The following SYT14 variants were observed in gnomAD, a reference collection of about 807,000 sequenced individuals.
SYT14 encodes synaptotagmin 14, also known as synaptotagmin-14.
Under a neutral mutation model 74.2 loss-of-function variants are expected in SYT14, and 32 were observed. The observed-to-expected ratio is 0.43, with a 90% CI of 0.33 to 0.58. The LOEUF (loss-of-function observed/expected upper bound fraction) is 0.58, where lower values mean the gene tolerates loss of function less well. SYT14 is among the 20% of genes least tolerant of loss of function. The probability of loss-of-function intolerance (pLI) is 0.05; values close to 1 mark genes in which losing one functional copy is unlikely to be tolerated. For synonymous variants in SYT14, 298 were observed against 337.7 expected (o/e 0.88, Z 1.29); for missense variants, 791 against 981.8 (o/e 0.81, Z 2.60).
chr1:209,973,526 A>G (rs2079297136), intron 2 of SYT14, among the ~76,000 whole-genome samples: 1 of 152,128 alleles, frequency 6.6e-6, no homozygotes, highest in South Asian at 2.1e-4. Context: ...CCATGTCCCT[A>G]CAAAGGACAT....
At chr1:210,066,175 C>T (rs4356052) in intron 5 of SYT14, among the ~76,000 whole-genome samples, 7,529 of 151,888 alleles carry the variant, frequency 0.05, 1,033 homozygotes, top group East Asian at 0.42. Context: ...TGAATAGTGC[C>T]GCAATAAATA....
chr1:210,100,454 A>G (rs758342742), exon 7 of SYT14: 19 of 1,612,916 alleles, frequency 1.2e-5, no homozygotes, highest in East Asian at 2.2e-5. Flanking sequence ...CCTTCTTACA[A>G]TCATTCTGTG....
intron 5 of SYT14, among the ~76,000 whole-genome samples, chr1:210,085,034 CCAAAGT>C (rs2102492930): frequency 1.3e-5 from 2 of 152,276 alleles, no homozygotes; most frequent in African/African-American, 4.8e-5. Context: ...GCCTAGAATG[CCAAAGT>C]TTGGATTCCA....
At chr1:209,975,112 G>A (rs2079334808) in intron 2 of SYT14, among the ~76,000 whole-genome samples, 1 of 152,284 alleles carries the variant, frequency 6.6e-6, no homozygotes, top group Non-Finnish European at 1.5e-5. Flanking sequence ...GAGATTTTGG[G>A]CTGAGACAGT....
intron 2 of SYT14, among the ~76,000 whole-genome samples, chr1:209,998,515 A>G (rs977782886): frequency 2.6e-5 from 4 of 152,144 alleles, no homozygotes; most frequent in African/African-American, 9.6e-5. Flanking sequence ...AGCAAAAAGA[A>G]TAAAGCTGGA....
At chr1:209,964,142 C>G (rs1406001138) in intron 2 of SYT14, among the ~76,000 whole-genome samples, 1 of 152,100 alleles carries the variant, frequency 6.6e-6, no homozygotes, top group Admixed American at 6.5e-5. Flanking sequence ...GGGCAGGTTC[C>G]CCCATGCTGT....
At chr1:209,963,093 C>G (rs1238562526) in intron 2 of SYT14, among the ~76,000 whole-genome samples, 2 of 152,148 alleles carry the variant, frequency 1.3e-5, no homozygotes, top group East Asian at 3.8e-4. Context: ...TTATTGCTAC[C>G]GGAACAGAAA....
chr1:210,024,896 T>A (rs1292420983), intron 5 of SYT14, among the ~76,000 whole-genome samples: 1 of 151,402 alleles, frequency 6.6e-6, no homozygotes, highest in African/African-American at 2.5e-5. Flanking sequence ...TTGGGGAGAA[T>A]GATAATTCAG....
rs756972890 is a variant in SYT14 at position 209,938,244 on chromosome 1, G to A, written c.-567G>A. On this transcript the variant is annotated 5_prime_UTR_variant, in exon 1 of 10. Transcript: ENST00000637265. ...CTGCTGCCCCCGCCATCCAGTTGGT[G>A]CGGTCCATGGCGAGCGCATCATGGC... is the stretch of plus-strand genomic sequence containing the variant. The A allele has an allele frequency of 1.0e-5, 16 of 1,549,998 alleles. No individual in the cohort carries two copies. In the Admixed American group the frequency reaches 2.2e-4, roughly 21 times the overall value.
chr1:210,080,999 G>A (rs1006279353), intron 5 of SYT14, among the ~76,000 whole-genome samples: 3 of 151,774 alleles, frequency 2.0e-5, no homozygotes, highest in South Asian at 2.1e-4. Flanking sequence ...GGAGGAGGAA[G>A]TGAAGGATAT....
intron 7 of SYT14, among the ~76,000 whole-genome samples, chr1:210,143,726 T>C (rs2082969808): frequency 6.6e-6 from 1 of 152,232 alleles, no homozygotes; most frequent in South Asian, 2.1e-4. Flanking sequence ...AGAAATAAGA[T>C]ATAAAGATAG....
At chr1:210,057,506 A>G (rs976184214) in intron 5 of SYT14, among the ~76,000 whole-genome samples, 1 of 152,238 alleles carries the variant, frequency 6.6e-6, no homozygotes, top group Non-Finnish European at 1.5e-5. Flanking sequence ...TGTTATGTAC[A>G]GTAACTTGTT....
chr1:210,112,882 G>C (rs1321777583), intron 7 of SYT14, among the ~76,000 whole-genome samples: 1 of 151,342 alleles, frequency 6.6e-6, no homozygotes, highest in South Asian at 2.1e-4. Context: ...GTGAGGGCTC[G>C]AGTCAAGGCA....
chr1:210,147,420 T>C lies in SYT14; in HGVS notation c.2035-8301T>C, dbSNP rs142034407. Among the ~76,000 whole-genome samples, 762 of 152,216 alleles carry C rather than the reference T, an allele frequency of 5.0e-3. 8 individuals carry two copies. The highest frequency in any genetic ancestry group is 6.5e-3 in the Non-Finnish European group (444 of 68,006). On this transcript the variant is annotated intron_variant, in intron 7 of 9. Coordinates refer to ENST00000637265, the Ensembl canonical transcript of SYT14. Reference sequence around the variant, plus strand: ...AAATTAGAAGTTTTAAACAGGATTATTAAAACTGAGTCCACACCCATAAAA... The same window carrying C: ...AAATTAGAAGTTTTAAACAGGATTACTAAAACTGAGTCCACACCCATAAAA...
intron 7 of SYT14, among the ~76,000 whole-genome samples, chr1:210,127,030 A>ATATT (rs931392246): frequency 2.6e-5 from 4 of 152,106 alleles, no homozygotes; most frequent in African/African-American, 9.7e-5. Context: ...AGGGGCTTGG[A>ATATT]TATTTAAAAT....
intron 1 of SYT14, among the ~76,000 whole-genome samples, chr1:209,941,675 T>G (rs2078732997): frequency 6.6e-6 from 1 of 152,208 alleles, no homozygotes; most frequent in Non-Finnish European, 1.5e-5. Context: ...ATTGAACAAT[T>G]TAGTAATCAC....
At chr1:210,156,919 C>CCTGA (rs2083281654) in intron 8 of SYT14, 1 of 368,484 alleles carries the variant, frequency 2.7e-6, no homozygotes, top group African/African-American at 2.1e-5. Flanking sequence ...GTCGCAAGCT[C>CCTGA]CTGACCTCAG....
chr1:210,147,081 A>C (rs1167792595), intron 7 of SYT14, among the ~76,000 whole-genome samples: 1 of 152,098 alleles, frequency 6.6e-6, no homozygotes, highest in African/African-American at 2.4e-5. Context: ...ATGTGTTGGC[A>C]GCTCTAGAAC....
At chr1:210,049,366 G>A (rs1298416305) in intron 5 of SYT14, among the ~76,000 whole-genome samples, 1 of 151,482 alleles carries the variant, frequency 6.6e-6, no homozygotes, top group African/African-American at 2.4e-5. Flanking sequence ...TGAAATCTAG[G>A]CGGAGGTTCT....
Sources: gnomAD v4.1 joint callset for allele counts (sites outside exome capture counted in the v4.1 genomes callset) on GRCh38, gnomAD v4.1.1 for gene constraint, MANE v1.5 for transcripts, NCBI Gene and HGNC (gene_info 2026-07-23, HGNC 2026-07-21) for gene names.